VPS53: variants seen among roughly 807,000 people sequenced by gnomAD.
The protein encoded by VPS53 is vacuolar protein sorting-associated protein 53 homolog.
VPS53 carries 70 observed loss-of-function variants against 107.0 expected under a neutral mutation model. That is an observed-to-expected ratio of 0.65 (90% CI 0.54 to 0.80). The LOEUF is 0.80. VPS53 is among the 30% of genes least tolerant of loss of function. The pLI is 0.00. For missense variants in VPS53, 917 were observed against 1,049.4 expected (o/e 0.87, Z 1.74); for synonymous variants, 409 against 393.3 (o/e 1.04, Z -0.47).
intron 2 of VPS53, 146 bp from the exon 3 acceptor site, chr17:699,526 AG>A (rs1371769264): frequency 7.5e-6 from 4 of 535,234 alleles, no homozygotes; most frequent in East Asian, 3.6e-5. Context: ...AAAAAAAAAA[AG>A]TAAAGCAGTA....
chr17:576,521 C>A (rs1466724779), intron 13 of VPS53, among the ~76,000 whole-genome samples: 3 of 151,844 alleles, frequency 2.0e-5, no homozygotes, highest in Non-Finnish European at 4.4e-5. Flanking sequence ...CCCTCAGGAG[C>A]TAATGCATTC....
chr17:698,526 G>A (rs922411378), intron 3 of VPS53, among the ~76,000 whole-genome samples: 2 of 151,654 alleles, frequency 1.3e-5, no homozygotes, highest in Admixed American at 6.6e-5. Context: ...CCAACAAGGC[G>A]AAACCCCATC....
chr17:710,607 G>C lies in VPS53; in HGVS notation c.94C>G (p.Pro32Ala). Residue 32 changes from proline (P) to alanine (A), a missense_variant, in exon 2 of 22, where the codon CCA becomes GCA. Transcript: ENST00000437048. ...GCTCGATCTAGAGGGTCCTGGCTTG[G>C]AAACACCTATATAGAAAGAGAGGAG... ...EVQLAIEQVFPSQDPLDRADF... is the reference protein window; with the variant it reads ...EVQLAIEQVFASQDPLDRADF... 1 of 1,611,188 alleles carries C rather than the reference G, an allele frequency of 6.2e-7. No homozygotes were observed. Among genetic ancestry groups the C allele is most frequent in the Non-Finnish European group, 8.5e-7 (1 of 1,177,432 alleles).
chr17:553,933 A>T (rs996222355), intron 15 of VPS53, among the ~76,000 whole-genome samples: 8 of 152,172 alleles, frequency 5.3e-5, no homozygotes, highest in Admixed American at 2.0e-4. Context: ...TCAGAAAAAT[A>T]GAGGGGGGGC....
At chr17:642,714 CCGAGGACAACACTCATACTTGGAAAG>C (rs1167389223) in intron 7 of VPS53, among the ~76,000 whole-genome samples, 521 of 139,486 alleles carry the variant, frequency 3.7e-3, no homozygotes, top group East Asian at 1.0e-2. Flanking sequence ...TACTTGGCAA[CCGAGGACAACACTCATACTTGGAAAG>C]CGAGGACAAC....
intron 17 of VPS53, among the ~76,000 whole-genome samples, chr17:539,408 C>G (rs1464684175): frequency 6.6e-6 from 1 of 152,208 alleles, no homozygotes; most frequent in African/African-American, 2.4e-5. Context: ...ATACTCTGGT[C>G]AGTCATGACT....
At chr17:668,046 T>C (rs1971770597) in intron 4 of VPS53, among the ~76,000 whole-genome samples, 1 of 152,166 alleles carries the variant, frequency 6.6e-6, no homozygotes, top group African/African-American at 2.4e-5. Flanking sequence ...TGCTCGCTGG[T>C]GCCAAAAAGG....
At chr17:688,641 C>A (rs935085115) in intron 4 of VPS53, among the ~76,000 whole-genome samples, 1 of 152,042 alleles carries the variant, frequency 6.6e-6, no homozygotes, top group Non-Finnish European at 1.5e-5. Context: ...CAGTCGCCCG[C>A]CCCGCCTCAA....
At chr17:686,257 C>A (rs752291599) in intron 4 of VPS53, among the ~76,000 whole-genome samples, 7 of 151,754 alleles carry the variant, frequency 4.6e-5, no homozygotes, top group Non-Finnish European at 5.9e-5. Context: ...GAGTTCAAGG[C>A]TAGAGTGAGC....
At chr17:620,678 A>ATT (rs67264596) in intron 11 of VPS53, among the ~76,000 whole-genome samples, 5,906 of 140,198 alleles carry the variant, frequency 0.042, 149 homozygotes, top group Non-Finnish European at 0.057. Context: ...TCTACATTCT[A>ATT]TTTTTTTTTT....
chr17:706,408 G>A (rs149837535), intron 2 of VPS53, among the ~76,000 whole-genome samples: 113 of 151,812 alleles, frequency 7.4e-4, no homozygotes, highest in African/African-American at 2.6e-3. Context: ...TTGGTGGCGC[G>A]TGTCTGTAAA....
intron 13 of VPS53, among the ~76,000 whole-genome samples, chr17:571,734 G>A (rs990411953): frequency 6.5e-4 from 97 of 148,778 alleles, no homozygotes; most frequent in African/African-American, 2.3e-3. Context: ...TGGTGGAGAC[G>A]GGGTTTCGCT....
At chr17:659,638 T>C (rs1971366221) in intron 5 of VPS53, among the ~76,000 whole-genome samples, 1 of 152,136 alleles carries the variant, frequency 6.6e-6, no homozygotes, top group African/African-American at 2.4e-5. Flanking sequence ...CTCTTCCTGG[T>C]CCCTGCATCA....
chr17:665,718 C>T (rs1352649439), intron 4 of VPS53, among the ~76,000 whole-genome samples: 1 of 152,182 alleles, frequency 6.6e-6, no homozygotes, highest in African/African-American at 2.4e-5. Flanking sequence ...GAAATACAGA[C>T]AGTAAGCTGG....
intron 2 of VPS53, among the ~76,000 whole-genome samples, chr17:701,534 C>A (rs534174032): frequency 6.6e-6 from 1 of 151,776 alleles, no homozygotes; most frequent in East Asian, 1.9e-4. Context: ...CATGCCACCA[C>A]GCCCAGCTAA....
At chr17:691,175 A>G (rs1316849619) in intron 4 of VPS53, among the ~76,000 whole-genome samples, 1 of 152,232 alleles carries the variant, frequency 6.6e-6, no homozygotes, top group Non-Finnish European at 1.5e-5. Flanking sequence ...ACTTAGGAAC[A>G]TAATATCCAT....
intron 13 of VPS53, among the ~76,000 whole-genome samples, chr17:570,959 A>G (rs1913984622): frequency 6.6e-6 from 1 of 152,158 alleles, no homozygotes; most frequent in Admixed American, 6.5e-5. Context: ...TTTCTAAGAA[A>G]TATATATTGA....
intron 7 of VPS53, among the ~76,000 whole-genome samples, chr17:644,466 A>C (rs555446949): frequency 6.6e-6 from 1 of 152,372 alleles, no homozygotes; most frequent in East Asian, 1.9e-4. Context: ...ACCAGAAAGG[A>C]TGCTAAAAAT....
intron 4 of VPS53, among the ~76,000 whole-genome samples, chr17:695,050 A>G (rs192817758): frequency 5.3e-5 from 8 of 152,336 alleles, no homozygotes; most frequent in African/African-American, 1.7e-4. Flanking sequence ...GTAGTGAAAT[A>G]GAAAGATGAC....
Sources: gnomAD v4.1 joint callset for allele counts (sites outside exome capture counted in the v4.1 genomes callset) on GRCh38, gnomAD v4.1.1 for gene constraint, MANE v1.5 for transcripts, NCBI Gene and HGNC (gene_info 2026-07-23, HGNC 2026-07-21) for gene names.